Variants in PCCA observed in about 807,000 individuals in gnomAD.
The protein encoded by PCCA is propionyl-CoA carboxylase alpha chain, mitochondrial.
Under a neutral mutation model 101.3 loss-of-function variants are expected in PCCA, and 74 were observed. The ratio of observed to expected loss-of-function variants is 0.73; its 90% CI spans 0.61 to 0.89. The LOEUF (loss-of-function observed/expected upper bound fraction) is 0.89, where lower values mean the gene tolerates loss of function less well. Among genes scored for constraint, PCCA ranks in the 40% least tolerant of loss-of-function variants. PCCA has a pLI of 0.00. For synonymous variants in PCCA, 294 were observed against 313.6 expected (o/e 0.94, Z 0.66); for missense variants, 891 against 907.0 (o/e 0.98, Z 0.23).
intron 7 of PCCA, among the ~76,000 whole-genome samples, chr13:100,222,339 A>G (rs2059871382): frequency 6.6e-6 from 1 of 151,932 alleles, no homozygotes; most frequent in African/African-American, 2.4e-5. Context: ...AGCCTCCCAA[A>G]GTGTTGGGAT....
chr13:100,182,098 C>CTTTTTTTTTTTTTTTTTTTTTTTT (rs558498604), intron 6 of PCCA, among the ~76,000 whole-genome samples: 1 of 105,454 alleles, frequency 9.5e-6, no homozygotes, highest in Non-Finnish European at 1.9e-5. Flanking sequence ...TTTTCTTTTT[C>CTTTTTTTTTTTTTTTTTTTTTTTT]TTTTTTTTTT....
At chr13:100,455,794 G>A (rs764150306) in intron 21 of PCCA, among the ~76,000 whole-genome samples, 2 of 152,050 alleles carry the variant, frequency 1.3e-5, no homozygotes, top group Non-Finnish European at 2.9e-5. Context: ...CCACCTCCTG[G>A]GTTCAAGCAA....
chr13:100,501,952 G>C (rs1388708761), intron 21 of PCCA, among the ~76,000 whole-genome samples: 1 of 152,058 alleles, frequency 6.6e-6, no homozygotes, highest in African/African-American at 2.4e-5. Flanking sequence ...CTAGCGGTCT[G>C]TGGTTTTACT....
intron 10 of PCCA, among the ~76,000 whole-genome samples, chr13:100,263,665 T>TTAA (rs2062678855): frequency 1.3e-5 from 2 of 152,148 alleles, no homozygotes; most frequent in Non-Finnish European, 2.9e-5. Context: ...TATAATCAGT[T>TTAA]GGATGTTTTA....
At chr13:100,492,042 C>T (rs1367427611) in intron 21 of PCCA, among the ~76,000 whole-genome samples, 2 of 151,940 alleles carry the variant, frequency 1.3e-5, no homozygotes, top group Non-Finnish European at 2.9e-5. Context: ...GGTTCATCTA[C>T]TTGGAGAGGA....
intron 4 of PCCA, among the ~76,000 whole-genome samples, chr13:100,116,451 C>A (rs1040351111): frequency 2.6e-5 from 4 of 152,142 alleles, no homozygotes; most frequent in Non-Finnish European, 5.9e-5. Flanking sequence ...AGCTAACTTG[C>A]AAACAATTAA....
chr13:100,402,893 C>T (rs2077453875), intron 19 of PCCA, among the ~76,000 whole-genome samples: 1 of 152,026 alleles, frequency 6.6e-6, no homozygotes, highest in Non-Finnish European at 1.5e-5. Flanking sequence ...GGATATAGTG[C>T]CTGTGCACAT....
At chr13:100,503,229 G>T (rs948203955) in intron 21 of PCCA, among the ~76,000 whole-genome samples, 1 of 152,230 alleles carries the variant, frequency 6.6e-6, no homozygotes, top group Non-Finnish European at 1.5e-5. Flanking sequence ...AGTGGCTCAC[G>T]CCTGTAATCC....
At chr13:100,188,498 A>C (rs946472387) in intron 6 of PCCA, among the ~76,000 whole-genome samples, 3 of 152,170 alleles carry the variant, frequency 2.0e-5, no homozygotes, top group Middle Eastern at 3.2e-3. Context: ...TTGCAATTGC[A>C]AATTGTGCTG....
chr13:100,342,627 C>T (rs1196405215), intron 18 of PCCA, among the ~76,000 whole-genome samples: 1 of 151,968 alleles, frequency 6.6e-6, no homozygotes, highest in Non-Finnish European at 1.5e-5. Flanking sequence ...TCTATCTTTA[C>T]ATCGTCTCTT....
rs1406143009 is a variant in PCCA, at chr13:100,440,182, AT to A, written c.1846-9069del. 1.4e-3 allele frequency among the ~76,000 whole-genome samples: 130 copies of A among 94,520 alleles called. 3 individuals are homozygous for A. The highest frequency in any genetic ancestry group is 6.5e-3 in the African/African-American group (125 of 19,168). The allele number at this position is 94,520 out of a possible 152,430, so 62.0% of individuals were successfully genotyped here. Reference sequence around the variant, plus strand: ...TATATATATATATATATATATATATATATATATATATATATATATATATATA... The same window carrying A: ...TATATATATATATATATATATATATAATATATATATATATATATATATATA... On this transcript the variant is annotated intron_variant, in intron 20 of 23. Coordinates refer to ENST00000376285, the MANE Select transcript of PCCA (RefSeq NM_000282.4).
At chr13:100,198,908 T>A (rs2152460085) in intron 6 of PCCA, among the ~76,000 whole-genome samples, 1 of 112,914 alleles carries the variant, frequency 8.9e-6, no homozygotes, top group East Asian at 2.7e-4. Context: ...AAGAATGTAC[T>A]TTACAATTTT....
At chr13:100,529,103 C>G (rs755709064) in intron 23 of PCCA, among the ~76,000 whole-genome samples, 1 of 152,188 alleles carries the variant, frequency 6.6e-6, no homozygotes, top group Non-Finnish European at 1.5e-5. Context: ...CACCCCATCC[C>G]CAGGCCTCTC....
At chr13:100,260,914 C>T (rs1021938491) in intron 9 of PCCA, among the ~76,000 whole-genome samples, 5 of 144,000 alleles carry the variant, frequency 3.5e-5, no homozygotes, top group African/African-American at 1.0e-4. Context: ...AAAGGAAGAA[C>T]GGTCAGACTA....
At position 100,212,922 on chromosome 13, in the gene PCCA, CT is replaced by C. The variant is rs538540080; in HGVS notation, c.600+3460del. ...CCAGCCTCTGGCAATCATCATTCTACTCTCTATCACTGTGAGTTCAACTATG... is the reference window on the plus strand; with the variant it reads ...CCAGCCTCTGGCAATCATCATTCTACCTCTATCACTGTGAGTTCAACTATG... On this transcript the variant is annotated intron_variant, in intron 7 of 23. Transcript: ENST00000376285. Among the ~76,000 whole-genome samples the C allele has an allele frequency of 6.9e-3, 1,042 of 151,904 alleles. 13 individuals are homozygous for C. Among genetic ancestry groups the C allele is most frequent in the African/African-American group, 0.024 (995 of 41,454 alleles).
At chr13:100,132,893 C>T (rs750013852) in intron 4 of PCCA, among the ~76,000 whole-genome samples, 4 of 152,080 alleles carry the variant, frequency 2.6e-5, no homozygotes, top group Non-Finnish European at 4.4e-5. Context: ...CCTGCCTCAG[C>T]GTCCTGAGTA....
At chr13:100,409,088 C>T (rs1409622076) in intron 19 of PCCA, among the ~76,000 whole-genome samples, 3 of 152,098 alleles carry the variant, frequency 2.0e-5, no homozygotes, top group African/African-American at 7.2e-5. Flanking sequence ...CAAGCCTCAG[C>T]AGTGGAGGAG....
chr13:100,525,238 T>C (rs888264040), intron 22 of PCCA, among the ~76,000 whole-genome samples: 12 of 152,170 alleles, frequency 7.9e-5, no homozygotes, highest in Admixed American at 7.9e-4. Flanking sequence ...TTGAATTGAA[T>C]TGCCGGACTC....
At chr13:100,437,675 T>G (rs530831510) in intron 20 of PCCA, among the ~76,000 whole-genome samples, 2 of 152,248 alleles carry the variant, frequency 1.3e-5, no homozygotes, top group African/African-American at 2.4e-5. Context: ...AATTAGCTCT[T>G]TGTTTTGTTT....
Sources: gnomAD v4.1 joint callset for allele counts (sites outside exome capture counted in the v4.1 genomes callset) on GRCh38, gnomAD v4.1.1 for gene constraint, MANE v1.5 for transcripts, NCBI Gene and HGNC (gene_info 2026-07-23, HGNC 2026-07-21) for gene names.